Variants in RCN3 observed in about 807,000 individuals in gnomAD.
RCN3 encodes the protein reticulocalbin 3, also known as reticulocalbin-3.
In RCN3, 41 loss-of-function variants were observed where a neutral mutation model predicts 35.9. The observed-to-expected ratio is 1.14, with a 90% CI of 0.89 to 1.48. The LOEUF is 1.48. Among genes scored for constraint, RCN3 ranks in the 40% most tolerant of loss-of-function variants. The pLI is 0.00. For missense variants in RCN3, 451 were observed against 471.3 expected (o/e 0.96, Z 0.40); for synonymous variants, 187 against 193.4 (o/e 0.97, Z 0.27).
intron 6 of RCN3, 74 bp from the exon 7 acceptor site, chr19:49,543,032 A>G (rs2080171036): frequency 8.0e-7 from 1 of 1,244,428 alleles, no homozygotes; most frequent in African/African-American, 1.5e-5. Context: ...AGACTTCGGG[A>G]CACGCTTGGA....
intron 4 of RCN3, among the ~76,000 whole-genome samples, chr19:49,538,777 C>T (rs188643612): frequency 4.7e-4 from 71 of 152,294 alleles, no homozygotes; most frequent in African/African-American, 1.7e-3. Flanking sequence ...CTCTGCTAAA[C>T]ATAAAGGAGC....
At chr19:49,537,351 A>G in intron 4 of RCN3, 146 bp downstream of exon 4, 1 of 760,542 alleles carries the variant, frequency 1.3e-6, no homozygotes, top group Non-Finnish European at 1.9e-6. Context: ...CCGCAAACAC[A>G]GGTCAGAGGA....
chr19:49,542,554 G>A lies in RCN3; in HGVS notation c.681G>A (p.Ala227=), dbSNP rs144170992. The A allele has an allele frequency of 1.5e-4, 240 of 1,591,106 alleles. No individual in the cohort carries two copies. The African/African-American group carries it at 2.4e-3, about 16-fold the overall frequency. ...TGTCCCCTCTGTCCCGGCCCCCAGC[G>A]GATCTGTACTCAGCCGAGCCTGGGG... ...DGYVQVEEYI[A]DLYSAEPGEE... is the part of the protein sequence containing the mutation. The change falls in exon 6 of 7, where the codon GCG becomes GCA. Residue 227 remains alanine, a splice_region_variant and synonymous_variant. Coordinates refer to ENST00000270645, the MANE Select transcript of RCN3 (RefSeq NM_020650.3).
intron 2 of RCN3, among the ~76,000 whole-genome samples, chr19:49,530,037 C>T (rs554950777): frequency 1.2e-4 from 19 of 152,074 alleles, no homozygotes; most frequent in East Asian, 7.7e-4. Context: ...GTGGAACCTC[C>T]GCCTCCCGGG....
intron 3 of RCN3, among the ~76,000 whole-genome samples, chr19:49,535,589 C>T (rs1179165757): frequency 1.3e-5 from 2 of 152,118 alleles, no homozygotes; most frequent in Non-Finnish European, 2.9e-5. Context: ...CCATGGCTCA[C>T]GCCTGTAATC....
intron 2 of RCN3, among the ~76,000 whole-genome samples, chr19:49,532,437 A>G (rs1174244821): frequency 4.2e-5 from 6 of 141,696 alleles, no homozygotes; most frequent in Non-Finnish European, 6.1e-5. Context: ...GTGCAGTGGC[A>G]CGATCTCGGC....
intron 3 of RCN3, 90 bp downstream of exon 3, chr19:49,534,485 C>A: frequency 7.2e-7 from 1 of 1,380,476 alleles, no homozygotes; most frequent in Non-Finnish European, 9.7e-7. Context: ...ACCCATTTAC[C>A]CGGAGTCCCT....
intron 4 of RCN3, among the ~76,000 whole-genome samples, chr19:49,538,225 C>T (rs995186672): frequency 7.2e-4 from 106 of 148,084 alleles, no homozygotes; most frequent in African/African-American, 2.4e-3. Context: ...TGCAGTGATG[C>T]GATCTCGGCT....
rs1274841583 is a variant in RCN3 at position 49,543,011 on chromosome 19, A to G, written c.880-95A>G. On this transcript the variant is annotated intron_variant, in intron 6 of 6. Coordinates refer to ENST00000270645, the MANE Select transcript of RCN3 (RefSeq NM_020650.3). The stretch of plus-strand genomic sequence containing the variant: ...AGAAAGGGACAGAGGCCCAGAGAAC[A>G]AGGGTCCCAGAGACTTCGGGACACG... The G allele has an allele frequency of 3.8e-6, 4 of 1,051,542 alleles. No homozygotes were observed. The East Asian group carries it at 7.5e-5, about 20-fold the overall frequency. The allele number at this position is 1,051,542 out of a possible 1,614,324, so 65.1% of individuals were successfully genotyped here. A position where few individuals can be genotyped will look rare whatever the true frequency, so the allele number is the denominator to read the frequency against.
In RCN3 at chr19:49,539,126, T is replaced by A; in HGVS notation, c.626T>A (p.Leu209Gln). Residue 209 changes from leucine to glutamine, a missense_variant, in exon 5 of 7, where the codon CTG becomes CAG. Coordinates refer to ENST00000270645, the MANE Select transcript of RCN3 (RefSeq NM_020650.3). ...HMRDIVIAET[L>Q]EDLDRNKDGY... Reference sequence around the variant, plus strand: ...TGCCCCTTTCTCCTCCAGGAAACCCTGGAGGACCTGGACAGAAACAAAGAT... The same window carrying A: ...TGCCCCTTTCTCCTCCAGGAAACCCAGGAGGACCTGGACAGAAACAAAGAT... 1 of 1,604,634 alleles carries A rather than the reference T, an allele frequency of 6.2e-7. No individual in the cohort carries two copies. Among genetic ancestry groups the A allele is most frequent in the Non-Finnish European group, 8.5e-7 (1 of 1,176,822 alleles).
intron 5 of RCN3, 80 bp from the exon 6 acceptor site, chr19:49,542,473 A>G (rs1383154811): frequency 5.9e-6 from 6 of 1,015,160 alleles, no homozygotes; most frequent in South Asian, 4.6e-5. Flanking sequence ...TTCAGGAAGT[A>G]TCAGAGCCAG....
chr19:49,538,109 C>T (rs936043804), intron 4 of RCN3, among the ~76,000 whole-genome samples: 6 of 151,566 alleles, frequency 4.0e-5, no homozygotes, highest in African/African-American at 7.3e-5. Flanking sequence ...CTCCCACCTC[C>T]GCCTTCTGAG....
intron 1 of RCN3, 89 bp from the exon 2 acceptor site, chr19:49,528,378 C>T: frequency 4.6e-6 from 6 of 1,293,868 alleles, no homozygotes; most frequent in Non-Finnish European, 6.1e-6. Context: ...CTGTCCTGTC[C>T]TAGGTAACCC....
chr19:49,538,902 G>T (rs58269718), intron 4 of RCN3, among the ~76,000 whole-genome samples: 15,396 of 152,106 alleles, frequency 0.1, 995 homozygotes, highest in African/African-American at 0.18. Flanking sequence ...TCTGGGCTCT[G>T]GCCCCGTAAA....
intron 2 of RCN3, among the ~76,000 whole-genome samples, chr19:49,531,835 C>T (rs944490771): frequency 7.2e-5 from 11 of 152,204 alleles, no homozygotes; most frequent in African/African-American, 2.4e-4. Flanking sequence ...CAGTCTCGCT[C>T]TGTCTCCCAG....
At position 49,543,289 on chromosome 19, in the gene RCN3, C is replaced by G; in HGVS notation, c.*76C>G. The G allele has an allele frequency of 8.5e-7, 1 of 1,175,730 alleles. No individual in the cohort carries two copies. Among genetic ancestry groups the G allele is most frequent in the Non-Finnish European group, 1.2e-6 (1 of 800,576 alleles). 72.8% of individuals were successfully genotyped at this position (1,175,730 alleles called of 1,614,324 possible). ...GGGCCGCTGTGGTCTGGCCCCCTCC[C>G]TGTCCAGGCCCCGCAGGAGGCAGAT... On this transcript the variant is annotated 3_prime_UTR_variant, in exon 7 of 7. Coordinates refer to ENST00000270645, the MANE Select transcript of RCN3 (RefSeq NM_020650.3).
intron 4 of RCN3, among the ~76,000 whole-genome samples, chr19:49,537,990 CTT>C (rs771610301): frequency 2.8e-5 from 4 of 142,362 alleles, no homozygotes; most frequent in African/African-American, 2.6e-5. Flanking sequence ...TTTCCTTCCT[CTT>C]TTTTTTTTTT....
At chr19:49,531,394 C>T (rs915427531) in intron 2 of RCN3, among the ~76,000 whole-genome samples, 3 of 152,198 alleles carry the variant, frequency 2.0e-5, no homozygotes, top group Non-Finnish European at 2.9e-5. Flanking sequence ...GGGCGGATTG[C>T]CTGAGACCAT....
intron 5 of RCN3, among the ~76,000 whole-genome samples, chr19:49,540,598 C>T (rs946817016): frequency 2.7e-5 from 4 of 149,116 alleles, no homozygotes; most frequent in Non-Finnish European, 5.9e-5. Context: ...TCAGTCTGGG[C>T]AACAAGAGCG....
Sources: allele counts gnomAD v4.1 joint callset (sites outside exome capture counted in the v4.1 genomes callset), GRCh38; gene constraint gnomAD v4.1.1; transcripts MANE v1.5; gene names NCBI Gene and HGNC (gene_info 2026-07-23, HGNC 2026-07-21).